The following KATNIP variants were observed in gnomAD, a reference collection of about 807,000 sequenced individuals.
KATNIP encodes the protein katanin interacting protein, also known as katanin-interacting protein.
A neutral mutation model predicts 174.0 loss-of-function variants in KATNIP; 126 were observed. That is an observed-to-expected ratio of 0.72 (90% CI 0.63 to 0.84). The LOEUF (loss-of-function observed/expected upper bound fraction) is 0.84, where lower values mean the gene tolerates loss of function less well. Ranked by LOEUF, KATNIP falls within the 40% of genes least tolerant of loss-of-function variation. KATNIP has a pLI of 0.00. For missense variants in KATNIP, 1,958 were observed against 2,109.7 expected (o/e 0.93, Z 1.41); for synonymous variants, 810 against 835.7 (o/e 0.97, Z 0.53).
chr16:27,570,833 G>GT (rs2090263942), intron 1 of KATNIP, among the ~76,000 whole-genome samples: 1 of 152,144 alleles, frequency 6.6e-6, no homozygotes, highest in Non-Finnish European at 1.5e-5. Flanking sequence ...GCAAATACTA[G>GT]TATACAGTTA....
Position 27,776,951 on chromosome 16 carries a change from C to A in KATNIP, c.4473C>A (p.Phe1491Leu). Residue 1491 changes from phenylalanine (F) to leucine (L), a missense_variant, in exon 25 of 28, where the codon TTC (phenylalanine) becomes TTA (leucine). By Grantham distance (22) the Phe-to-Leu change is conservative. This residue lies in a region of KATNIP where 383 missense variants were observed against 456.0 expected (regional missense o/e 0.84). Coordinates refer to ENST00000261588, the MANE Select transcript of KATNIP (RefSeq NM_015202.5). This position sits in a 1 kb window ranked among gnomAD's most constrained non-coding sequence, Gnocchi z 4.7. ...PGLVNRVYVI[F>L]DLPTTVSMIK... ...AGGTGAACCGGGTTTATGTGATTTT[C>A]GATCTGCCTACCACCGTGTCAATGA... The A allele has an allele frequency of 6.2e-7, 1 of 1,613,102 alleles. No individual in the cohort carries two copies. The highest frequency in any genetic ancestry group is 8.5e-7 in the Non-Finnish European group (1 of 1,179,090).
chr16:27,589,291 G>A (rs1166833534), intron 2 of KATNIP, among the ~76,000 whole-genome samples: 1 of 152,118 alleles, frequency 6.6e-6, no homozygotes, highest in Admixed American at 6.6e-5. Flanking sequence ...TAAACCAGGG[G>A]TCAACAAACT....
chr16:27,574,798 G>A (rs1222800324), intron 2 of KATNIP, among the ~76,000 whole-genome samples: 2 of 49,874 alleles, frequency 4.0e-5, no homozygotes, highest in Non-Finnish European at 8.8e-5. Flanking sequence ...TCCCGAGCCC[G>A]CCTCAGTCTC....
chr16:27,676,925 G>A (rs906145961), intron 6 of KATNIP, among the ~76,000 whole-genome samples: 2 of 152,082 alleles, frequency 1.3e-5, no homozygotes, highest in Non-Finnish European at 2.9e-5. Context: ...TTTTGCCTCG[G>A]CCTCCCAAAG....
chr16:27,589,199 C>T (rs1270045514), intron 2 of KATNIP, among the ~76,000 whole-genome samples: 1 of 152,110 alleles, frequency 6.6e-6, no homozygotes, highest in Non-Finnish European at 1.5e-5. Flanking sequence ...AGCCACTGTG[C>T]CCAGCCTATG....
chr16:27,725,472 A>G (rs1414361128), intron 14 of KATNIP, among the ~76,000 whole-genome samples: 1 of 152,112 alleles, frequency 6.6e-6, no homozygotes, highest in Non-Finnish European at 1.5e-5. Flanking sequence ...GCTCAGGAGG[A>G]TGTGATAACA....
intron 1 of KATNIP, among the ~76,000 whole-genome samples, chr16:27,563,144 C>T (rs1184167650): frequency 6.6e-6 from 1 of 152,186 alleles, no homozygotes; most frequent in African/African-American, 2.4e-5. Flanking sequence ...GGGAGACAGA[C>T]TACAAACATA....
At chr16:27,734,207 C>T (rs2080811872) in intron 14 of KATNIP, among the ~76,000 whole-genome samples, 1 of 151,816 alleles carries the variant, frequency 6.6e-6, no homozygotes, top group African/African-American at 2.4e-5. Flanking sequence ...CTCAGCCTCT[C>T]CAGTAGCTGA....
intron 2 of KATNIP, among the ~76,000 whole-genome samples, chr16:27,584,921 G>T (rs1286871139): frequency 6.6e-6 from 1 of 152,198 alleles, no homozygotes; most frequent in African/African-American, 2.4e-5. Flanking sequence ...AGCCTGCCCT[G>T]GGTAACACAG....
rs539508997 is a variant in KATNIP, at chr16:27,676,743, C to T, written c.541-986C>T. ...CTAGAGTACAGTGGCAATCATAGCT[C>T]ACTGCAGCCTCAACTTCCCAGGCTC... On this transcript the variant is annotated intron_variant, in intron 6 of 27. Coordinates refer to ENST00000261588, the MANE Select transcript of KATNIP (RefSeq NM_015202.5). 5.9e-5 allele frequency among the ~76,000 whole-genome samples: 9 copies of T among 152,084 alleles called. No individual in the cohort carries two copies. The East Asian group carries it at 1.7e-3, about 29-fold the overall frequency.
chr16:27,740,424 T>C lies in KATNIP; in HGVS notation c.2127T>C (p.Gly709=). Residue 709 remains glycine, a synonymous_variant, in exon 15 of 28, where the codon GGT becomes GGC. Coordinates refer to ENST00000261588, the MANE Select transcript of KATNIP (RefSeq NM_015202.5). ...TGTCGGCAGTCCCCACTTCGATGGG[T>C]GACATGCCCAGTGCTCCTGCCACTT... The part of the protein sequence containing the change: ...LRLSAVPTSM[G]DMPSAPATSP... 6.2e-7 allele frequency: 1 copy of C among 1,613,904 alleles called. No homozygotes were observed. Among genetic ancestry groups the C allele is most frequent in the Non-Finnish European group, 8.5e-7 (1 of 1,180,014 alleles).
chr16:27,561,901 GT>G (rs2089899153), intron 1 of KATNIP, among the ~76,000 whole-genome samples: 2 of 152,138 alleles, frequency 1.3e-5, no homozygotes, highest in African/African-American at 4.8e-5. Context: ...CAGGGGCCAG[GT>G]AATGTAAATG....
At chr16:27,565,433 T>C (rs1483017166) in intron 1 of KATNIP, among the ~76,000 whole-genome samples, 1 of 145,944 alleles carries the variant, frequency 6.9e-6, no homozygotes, top group Non-Finnish European at 1.5e-5. Context: ...GCCACTGCAC[T>C]CCAGCCTGGG....
chr16:27,565,812 A>C (rs1231915995), intron 1 of KATNIP, among the ~76,000 whole-genome samples: 1 of 152,024 alleles, frequency 6.6e-6, no homozygotes, highest in Non-Finnish European at 1.5e-5. Flanking sequence ...CAAAAAAAAA[A>C]AACAAAGGAA....
At chr16:27,715,824 C>A (rs1295661065) in intron 13 of KATNIP, among the ~76,000 whole-genome samples, 4 of 152,064 alleles carry the variant, frequency 2.6e-5, no homozygotes, top group Admixed American at 6.5e-5. Context: ...GAAATTGGAA[C>A]CTTCATTCTT....
At chr16:27,606,964 C>T (rs976732698) in intron 2 of KATNIP, among the ~76,000 whole-genome samples, 4 of 152,128 alleles carry the variant, frequency 2.6e-5, no homozygotes, top group East Asian at 1.9e-4. Flanking sequence ...GAAGAAATGA[C>T]GTCTTCCTCC....
intron 1 of KATNIP, among the ~76,000 whole-genome samples, chr16:27,554,425 A>G (rs1030619831): frequency 2.6e-5 from 4 of 152,138 alleles, no homozygotes; most frequent in African/African-American, 9.7e-5. Flanking sequence ...AGATCATGCC[A>G]CTGTATTGCA....
chr16:27,676,141 A>G (rs1299611371), intron 6 of KATNIP, among the ~76,000 whole-genome samples: 1 of 152,008 alleles, frequency 6.6e-6, no homozygotes, highest in Admixed American at 6.6e-5. Flanking sequence ...TTCCTCTCAC[A>G]TTTTACTTTA....
chr16:27,710,536 G>A (rs944404164), intron 13 of KATNIP, among the ~76,000 whole-genome samples: 6 of 152,132 alleles, frequency 3.9e-5, no homozygotes, highest in South Asian at 2.1e-4. Flanking sequence ...TTATCTCCTC[G>A]GAGACCTGGG....
Sources: gnomAD v4.1 joint callset for allele counts (sites outside exome capture counted in the v4.1 genomes callset) on GRCh38, gnomAD v4.1.1 for gene constraint, gnomAD v4.1.1 regional missense constraint, Gnocchi (gnomAD v3.1) non-coding constraint, MANE v1.5 for transcripts, NCBI Gene and HGNC (gene_info 2026-07-23, HGNC 2026-07-21) for gene names.